The following EFCAB5 variants were observed in gnomAD, a reference collection of about 807,000 sequenced individuals.
EFCAB5 encodes the protein EF-hand calcium binding domain 5.
In EFCAB5, 131 loss-of-function variants were observed where a neutral mutation model predicts 167.9. The ratio of observed to expected loss-of-function variants is 0.78; its 90% CI spans 0.68 to 0.90. The LOEUF is 0.90. Ranked by LOEUF, EFCAB5 falls within the 40% of genes least tolerant of loss-of-function variation. The pLI is 0.00. For synonymous variants in EFCAB5, 574 were observed against 602.8 expected (o/e 0.95, Z 0.70); for missense variants, 1,663 against 1,745.2 (o/e 0.95, Z 0.84).
chr17:29,991,854 A>C (rs1378320718), intron 4 of EFCAB5, among the ~76,000 whole-genome samples: 2 of 152,238 alleles, frequency 1.3e-5, no homozygotes, highest in African/African-American at 4.8e-5. Context: ...TTTTCAGTAT[A>C]TATAGCAGCT....
At chr17:30,101,832 G>A (rs2071386711) in intron 22 of EFCAB5, among the ~76,000 whole-genome samples, 1 of 152,296 alleles carries the variant, frequency 6.6e-6, no homozygotes, top group African/African-American at 2.4e-5. Flanking sequence ...GCAAGAAGTT[G>A]ACAATGTTGA....
chr17:29,952,188 CA>C (rs939387535), intron 3 of EFCAB5, among the ~76,000 whole-genome samples: 2 of 150,386 alleles, frequency 1.3e-5, no homozygotes, highest in East Asian at 1.9e-4. Flanking sequence ...GATGGAAGGG[CA>C]AAAAAAAGGG....
rs2069054549 is a variant in EFCAB5, at chr17:30,016,864, AAC to A, written c.1044+16892_1044+16893del. Among the ~76,000 whole-genome samples, 10 of 152,224 alleles carry A rather than the reference AAC, an allele frequency of 6.6e-5. No homozygotes were observed. The South Asian group carries it at 2.1e-3, about 32-fold the overall frequency. On this transcript the variant is annotated intron_variant, in intron 7 of 22. Coordinates refer to ENST00000394835, the MANE Select transcript of EFCAB5 (RefSeq NM_198529.4). ...ATGAGATAGGATGAGGAATTTTTGA[AAC>A]ACAGATAAATACAAAACAATAGAAT...
chr17:30,036,162 TATATA>T (rs553895782), intron 8 of EFCAB5, among the ~76,000 whole-genome samples: 1,762 of 142,364 alleles, frequency 0.012, 18 homozygotes, highest in Non-Finnish European at 0.019. Context: ...TATATTATTA[TATATA>T]ATATAATATA....
rs1329770251 is a variant in EFCAB5, at chr17:30,051,110, T to G, written c.1201-8T>G. 1 of 1,612,988 alleles carries G rather than the reference T, an allele frequency of 6.2e-7. No homozygotes were observed. Among genetic ancestry groups the G allele is most frequent in the South Asian group, 1.1e-5 (1 of 90,944 alleles). ...AACAACTAATCACAAACTTTCTTCTTTGCTTAGGTAGGGTTTTTGGATCGG... is the reference window on the plus strand; with the variant it reads ...AACAACTAATCACAAACTTTCTTCTGTGCTTAGGTAGGGTTTTTGGATCGG... On this transcript the variant is annotated splice_polypyrimidine_tract_variant and splice_region_variant and intron_variant, in intron 8 of 22. Transcript: ENST00000394835.
In EFCAB5 at chr17:30,053,684, G is replaced by A. The variant is rs778468018; in HGVS notation, c.1730G>A (p.Gly577Glu). The change falls in exon 10 of 23, where the codon GGA (glycine) becomes GAA (glutamate). Residue 577 changes from glycine (G) to glutamate (E), a missense_variant. Physicochemically the swap from Gly to Glu is moderately conservative, Grantham distance 98. Transcript: ENST00000394835. Reference sequence around the variant, plus strand: ...CACAGAGAGTCAACTACAGAACAAGGACAGCACAAAGGGTCAATAGAAGGA... The same window carrying A: ...CACAGAGAGTCAACTACAGAACAAGAACAGCACAAAGGGTCAATAGAAGGA... ...ETHRESTTEQGQHKGSIEGQG... is the reference protein window; with the variant it reads ...ETHRESTTEQEQHKGSIEGQG... 1.2e-6 allele frequency: 2 copies of A among 1,613,896 alleles called. No individual in the cohort carries two copies. The highest frequency in any genetic ancestry group is 1.7e-6 in the Non-Finnish European group (2 of 1,179,858).
Position 29,969,071 on chromosome 17 carries a change from CAA to C in EFCAB5, c.473_474del (p.Lys158ArgfsTer4). The C allele has an allele frequency of 6.2e-7, 1 of 1,611,604 alleles. No homozygotes were observed. The part of the protein sequence containing the change: ...EKKLPRDNLA[K>X]EWFNTDSMTL... Reference sequence around the variant, plus strand: ...AAAAACTCCCTAGGGATAATTTGGCCAAAGAGTGGTTTAATACTGACAGCATG... The same window carrying C: ...AAAAACTCCCTAGGGATAATTTGGCCAGAGTGGTTTAATACTGACAGCATG... On this transcript the variant is annotated frameshift_variant, in exon 4 of 23. Transcript: ENST00000394835. LOFTEE classifies it high-confidence loss of function.
chr17:29,993,250 C>G lies in EFCAB5; in HGVS notation c.853C>G (p.Arg285Gly). Residue 285 changes from arginine to glycine, a missense_variant, in exon 5 of 23, where the codon CGG becomes GGG. Physicochemically the swap from Arg to Gly is moderately radical, Grantham distance 125. Transcript: ENST00000394835. ...DKIIVKVANT[R>G]KQALQEQFDE... ...AATCATAGTCAAGGTGGCCAACACA[C>G]GGAAACAGGCTCTGCAGGAGCAATT... The G allele has an allele frequency of 6.2e-7, 1 of 1,613,756 alleles. No homozygotes were observed. The highest frequency in any genetic ancestry group is 8.5e-7 in the Non-Finnish European group (1 of 1,179,790).
In EFCAB5 at chr17:30,103,197, AAAAT is replaced by A. The variant is rs1304259764; in HGVS notation, c.4322-4630_4322-4627del. Among the ~76,000 whole-genome samples the A allele has an allele frequency of 2.7e-5, 4 of 149,018 alleles. No individual in the cohort carries two copies. In the East Asian group the frequency reaches 5.8e-4, roughly 22 times the overall value. The stretch of plus-strand genomic sequence containing the variant: ...TTCTATTTTTTGTTTAAAATGTTTT[AAAAT>A]AAATAATTTATAAATATATATATTA... On this transcript the variant is annotated intron_variant, in intron 22 of 22. Coordinates refer to ENST00000394835, the MANE Select transcript of EFCAB5 (RefSeq NM_198529.4).
intron 18 of EFCAB5, 87 bp from the exon 19 acceptor site, chr17:30,086,976 A>G: frequency 1.7e-6 from 2 of 1,152,862 alleles, no homozygotes; most frequent in South Asian, 1.4e-5. Context: ...AAGCTTTCCT[A>G]TTTTTTTTCT....
intron 7 of EFCAB5, among the ~76,000 whole-genome samples, chr17:30,028,263 A>AAT (rs1200545249): frequency 2.0e-5 from 3 of 152,214 alleles, no homozygotes; most frequent in Non-Finnish European, 4.4e-5. Context: ...GGCTTCGTCA[A>AAT]CTGTACCCAA....
At chr17:29,998,300 A>G (rs976654190) in intron 6 of EFCAB5, among the ~76,000 whole-genome samples, 2 of 152,216 alleles carry the variant, frequency 1.3e-5, no homozygotes, top group African/African-American at 2.4e-5. Flanking sequence ...AGTTAAGAGA[A>G]CTCAATTTGG....
chr17:29,994,954 T>G (rs1217552979), intron 5 of EFCAB5, among the ~76,000 whole-genome samples: 1 of 152,200 alleles, frequency 6.6e-6, no homozygotes, highest in Non-Finnish European at 1.5e-5. Flanking sequence ...CAGGTGTCCT[T>G]TAATGATTTT....
rs1555550693 is a variant in EFCAB5, at chr17:29,970,667, CAT to C, written c.767+1302_767+1303del. Among the ~76,000 whole-genome samples, 1,337 of 136,122 alleles carry C rather than the reference CAT, an allele frequency of 9.8e-3. 9 individuals carry two copies. Among genetic ancestry groups the C allele is most frequent in the African/African-American group, 0.02 (614 of 30,554 alleles). 89.3% of individuals were successfully genotyped at this position (136,122 alleles called of 152,430 possible). A position where few individuals can be genotyped will look rare whatever the true frequency, so the allele number is the denominator to read the frequency against. ...ACACACACACACACACACACACACA[CAT>C]ACACACACACACACACACACACACC... is the stretch of plus-strand genomic sequence containing the variant. On this transcript the variant is annotated intron_variant, in intron 4 of 22. Transcript: ENST00000394835.
rs780946665 is a variant in EFCAB5, at chr17:30,080,806, A to G, written c.3251A>G (p.His1084Arg). 1 of 1,613,022 alleles carries G rather than the reference A, an allele frequency of 6.2e-7. No homozygotes were observed. Among genetic ancestry groups the G allele is most frequent in the South Asian group, 1.1e-5 (1 of 90,898 alleles). Residue 1084 changes from histidine to arginine, a missense_variant, in exon 17 of 23, where the codon CAT becomes CGT. Coordinates refer to ENST00000394835, the MANE Select transcript of EFCAB5 (RefSeq NM_198529.4). ...ATCCATGTTCCCCAAGTTCAGTACC[A>G]TGGGAACATCTTCTTCTGGAACCAG... ...KPIHVPQVQY[H>R]GNIFFWNQSR...
In EFCAB5 at chr17:30,053,774, G is replaced by A; in HGVS notation, c.1820G>A (p.Gly607Glu). The part of the protein sequence containing the change: ...GSSRESVAEQ[G>E]SRRESIAEQD... Reference sequence around the variant, plus strand: ...AGCAGAGAGTCAGTTGCAGAACAAGGGTCACGCAGAGAGTCTATTGCAGAA... The same window carrying A: ...AGCAGAGAGTCAGTTGCAGAACAAGAGTCACGCAGAGAGTCTATTGCAGAA... The change falls in exon 10 of 23, where the codon GGG becomes GAG. Residue 607 changes from glycine to glutamate, a missense_variant. Gly to Glu is a moderately conservative substitution (Grantham distance 98, BLOSUM62 -2). Coordinates refer to ENST00000394835, the MANE Select transcript of EFCAB5 (RefSeq NM_198529.4). 1 of 1,613,872 alleles carries A rather than the reference G, an allele frequency of 6.2e-7. No homozygotes were observed. The highest frequency in any genetic ancestry group is 8.5e-7 in the Non-Finnish European group (1 of 1,179,866).
At chr17:29,960,468 T>C (rs2067699409) in intron 3 of EFCAB5, among the ~76,000 whole-genome samples, 1 of 152,184 alleles carries the variant, frequency 6.6e-6, no homozygotes, top group Non-Finnish European at 1.5e-5. Context: ...GGGATACATG[T>C]GCAGGATGTG....
chr17:30,045,166 G>A (rs1313923516), intron 8 of EFCAB5, among the ~76,000 whole-genome samples: 3 of 151,990 alleles, frequency 2.0e-5, no homozygotes, highest in African/African-American at 7.2e-5. Flanking sequence ...GATTAAGAAG[G>A]GACATAAGTG....
Position 30,056,148 on chromosome 17 carries a change from G to C in EFCAB5, c.2357G>C (p.Arg786Thr). The C allele has an allele frequency of 6.2e-7, 1 of 1,608,086 alleles. No individual in the cohort carries two copies. The highest frequency in any genetic ancestry group is 8.5e-7 in the Non-Finnish European group (1 of 1,176,780). The change falls in exon 12 of 23, where the codon AGG (arginine) becomes ACG (threonine). Residue 786 changes from arginine (R) to threonine (T), a missense_variant. By Grantham distance (71) the Arg-to-Thr change is moderately conservative. Transcript: ENST00000394835. ...GCAAACTTAATCTATGGTAACTCCA[G>C]GTTCACAGGTACATGTTAACAATGA... ...EQANLIYGNS[R>T]FTDLHSIIRN...
Sources: gnomAD v4.1 joint callset for allele counts (sites outside exome capture counted in the v4.1 genomes callset) on GRCh38, gnomAD v4.1.1 for gene constraint, MANE v1.5 for transcripts, NCBI Gene and HGNC (gene_info 2026-07-23, HGNC 2026-07-21) for gene names.